The following PATJ variants were observed in gnomAD, a reference collection of about 807,000 sequenced individuals.
PATJ encodes the protein inaD-like protein.
Under a neutral mutation model 224.9 loss-of-function variants are expected in PATJ, and 190 were observed. The ratio of observed to expected loss-of-function variants is 0.84; its 90% CI spans 0.75 to 0.95. The LOEUF is 0.95. Ranked by LOEUF, PATJ falls within the 40% of genes least tolerant of loss-of-function variation. The pLI, the probability that PATJ is intolerant of heterozygous loss-of-function variation, is 0.00. For missense variants in PATJ, 2,121 were observed against 2,270.3 expected, an observed-to-expected ratio of 0.93 and a Z score of 1.34; for synonymous variants, 769 against 820.3, an observed-to-expected ratio of 0.94 and a Z score of 1.07.
intron 29 of PATJ, among the ~76,000 whole-genome samples, chr1:62,032,527 G>C (rs1649530860): frequency 6.6e-6 from 1 of 152,132 alleles, no homozygotes; most frequent in Non-Finnish European, 1.5e-5. Context: ...TCTGTAAACT[G>C]GGGGCAGGAA....
chr1:61,753,516 AT>A (rs11300369), intron 1 of PATJ, among the ~76,000 whole-genome samples: 133,359 of 138,480 alleles, frequency 0.96, 64,252 homozygotes, highest in Middle Eastern at 0.99. Context: ...TCTATTACAT[AT>A]TTTTTTTTTT....
intron 39 of PATJ, among the ~76,000 whole-genome samples, chr1:62,125,917 G>T (rs892517549): frequency 2.6e-5 from 4 of 152,008 alleles, no homozygotes; most frequent in Non-Finnish European, 5.9e-5. Context: ...TTACAGGTGC[G>T]TGCCACCACA....
intron 7 of PATJ, among the ~76,000 whole-genome samples, chr1:61,785,570 T>G (rs1648328853): frequency 6.6e-6 from 1 of 152,232 alleles, no homozygotes; most frequent in South Asian, 2.1e-4. Flanking sequence ...TGAAAGTGAT[T>G]TTGAACCTGT....
rs767550083 is a variant in PATJ at position 62,128,126 on chromosome 1, A to T, written c.5166+32A>T. 3.1e-6 allele frequency: 5 copies of T among 1,613,360 alleles called. No homozygotes were observed. The African/African-American group carries it at 6.7e-5, about 22-fold the overall frequency. Reference sequence around the variant, plus strand: ...GAGAGAACTGGTTGAAAGACTAACAATATGTGTTGGGGTGGGAGAGGAAGT... The same window carrying T: ...GAGAGAACTGGTTGAAAGACTAACATTATGTGTTGGGGTGGGAGAGGAAGT... On this transcript the variant is annotated intron_variant, in intron 40 of 43. Coordinates refer to ENST00000642238, the MANE Select transcript of PATJ (RefSeq NM_001350145.3).
chr1:61,778,249 G>A (rs1326428824), intron 7 of PATJ, among the ~76,000 whole-genome samples: 1 of 151,994 alleles, frequency 6.6e-6, no homozygotes, highest in Non-Finnish European at 1.5e-5. Context: ...CTCCTGGCCT[G>A]AAGCGATCTT....
rs66470863 is a variant in PATJ at position 61,777,703 on chromosome 1, C to CTTTTTTTTTTTTTTTTTTTTT, written c.849+2373_849+2393dup. ...TTCTTCCTTTTTTCTTTCTTTCTTTCTTTTTTTTTTTTTTTTTTTTTTTTA... is the reference window on the plus strand; with the variant it reads ...TTCTTCCTTTTTTCTTTCTTTCTTTCTTTTTTTTTTTTTTTTTTTTTTTTTTTTTTTTTTTTTTTTTTTTTA... On this transcript the variant is annotated intron_variant, in intron 7 of 43. Transcript: ENST00000642238. 3.5e-3 allele frequency among the ~76,000 whole-genome samples: 170 copies of CTTTTTTTTTTTTTTTTTTTTT among 48,714 alleles called. 2 individuals are homozygous for CTTTTTTTTTTTTTTTTTTTTT. Among genetic ancestry groups the CTTTTTTTTTTTTTTTTTTTTT allele is most frequent in the Non-Finnish European group, 4.2e-3 (131 of 30,824 alleles). 32.0% of individuals were successfully genotyped at this position (48,714 alleles called of 152,430 possible). A position where few individuals can be genotyped will look rare whatever the true frequency, so the allele number is the denominator to read the frequency against.
rs763850754 is a variant in PATJ, at chr1:61,833,538, C to T, written c.1981-116C>T. On this transcript the variant is annotated intron_variant, in intron 16 of 43. Transcript: ENST00000642238. ...TTACAAAGATTAAAAAGAAAAACTACGCATGCCAAAGAGAATTCTCAGTTT... is the reference window on the plus strand; with the variant it reads ...TTACAAAGATTAAAAAGAAAAACTATGCATGCCAAAGAGAATTCTCAGTTT... 35 of 963,678 alleles carry T rather than the reference C, an allele frequency of 3.6e-5. 1 individual carries two copies. The highest frequency in any genetic ancestry group is 2.5e-4 in the Middle Eastern group (1 of 4,038). The allele number at this position is 963,678 out of a possible 1,614,324, so 59.7% of individuals were successfully genotyped here.
intron 3 of PATJ, among the ~76,000 whole-genome samples, chr1:61,764,937 C>A (rs181409559): frequency 6.6e-6 from 1 of 152,006 alleles, no homozygotes; most frequent in South Asian, 2.1e-4. Context: ...ACTACCCTAT[C>A]CTAATAACAA....
intron 14 of PATJ, among the ~76,000 whole-genome samples, chr1:61,809,123 C>T (rs1008060069): frequency 3.3e-5 from 5 of 152,154 alleles, no homozygotes; most frequent in African/African-American, 1.2e-4. Context: ...TTTCTGTTGG[C>T]AAGGTGCCAG....
At chr1:61,977,233 G>A (rs1301726297) in intron 27 of PATJ, among the ~76,000 whole-genome samples, 1 of 152,008 alleles carries the variant, frequency 6.6e-6, no homozygotes, top group African/African-American at 2.4e-5. Context: ...GATTACAGGC[G>A]TGTGCCACCA....
At chr1:62,142,395 T>C (rs1260241089) in intron 41 of PATJ, among the ~76,000 whole-genome samples, 1 of 152,024 alleles carries the variant, frequency 6.6e-6, no homozygotes, top group Non-Finnish European at 1.5e-5. Context: ...CCTTGTAACC[T>C]CCATCAGTCT....
At chr1:61,796,724 T>TTCTTTCTC (rs1223383945) in intron 10 of PATJ, among the ~76,000 whole-genome samples, 23 of 52,746 alleles carry the variant, frequency 4.4e-4, no homozygotes, top group African/African-American at 1.6e-3. Flanking sequence ...CTTTCTTTCT[T>TTCTTTCTC]TTTCTTTCTT....
chr1:62,054,373 A>C (rs1654185318), intron 31 of PATJ: 1 of 444,054 alleles, frequency 2.3e-6, no homozygotes, highest in South Asian at 1.6e-5. Context: ...CAAAAAAAAA[A>C]AAGTTATTTT....
intron 20 of PATJ, among the ~76,000 whole-genome samples, chr1:61,873,595 C>A (rs1361364268): frequency 6.6e-6 from 1 of 152,206 alleles, no homozygotes; most frequent in Non-Finnish European, 1.5e-5. Context: ...AAATTTATTT[C>A]TCACAGTTAT....
At chr1:61,779,887 G>A (rs1001574523) in intron 7 of PATJ, among the ~76,000 whole-genome samples, 37 of 152,122 alleles carry the variant, frequency 2.4e-4, no homozygotes, top group African/African-American at 2.4e-5. Context: ...CAGAGATCAC[G>A]TGGGCAGCGA....
intron 33 of PATJ, among the ~76,000 whole-genome samples, chr1:62,094,808 T>A (rs989005151): frequency 2.6e-5 from 4 of 152,188 alleles, no homozygotes; most frequent in African/African-American, 7.2e-5. Context: ...ATTTTGTAAA[T>A]GAATATTAGG....
At chr1:61,764,170 C>T (rs184420142) in intron 3 of PATJ, among the ~76,000 whole-genome samples, 2 of 152,184 alleles carry the variant, frequency 1.3e-5, no homozygotes, top group African/African-American at 4.8e-5. Flanking sequence ...AGTCTTTTAT[C>T]TAACAAGAAG....
In PATJ at chr1:62,162,953, G is replaced by GAAAAAA; in HGVS notation, c.*1902_*1907dup. ...CAGAGCAAGACTCTGTCTCGAAAAA[G>GAAAAAA]AAAAAAAACCATGAAGGATGAGTAC... is the stretch of plus-strand genomic sequence containing the variant. On this transcript the variant is annotated 3_prime_UTR_variant, in exon 44 of 44. Coordinates refer to ENST00000642238, the MANE Select transcript of PATJ (RefSeq NM_001350145.3). 1 of 402,580 alleles carries GAAAAAA rather than the reference G, an allele frequency of 2.5e-6. No individual in the cohort carries two copies. The highest frequency in any genetic ancestry group is 3.0e-5 in the Admixed American group (1 of 33,448). 24.9% of individuals were successfully genotyped at this position (402,580 alleles called of 1,614,324 possible). A position where few individuals can be genotyped will look rare whatever the true frequency, so the allele number is the denominator to read the frequency against.
chr1:61,974,040 T>C (rs1367080868), intron 27 of PATJ, among the ~76,000 whole-genome samples: 1 of 151,804 alleles, frequency 6.6e-6, no homozygotes, highest in Non-Finnish European at 1.5e-5. Flanking sequence ...CCCCAGAGAT[T>C]TCGACTTTGT....
Sources: allele counts gnomAD v4.1 joint callset (sites outside exome capture counted in the v4.1 genomes callset), GRCh38; gene constraint gnomAD v4.1.1; transcripts MANE v1.5; gene names NCBI Gene and HGNC (gene_info 2026-07-23, HGNC 2026-07-21).